The following ADD3 variants were observed in gnomAD, a reference collection of about 807,000 sequenced individuals.
ADD3 encodes adducin 3.
In ADD3, 25 loss-of-function variants were observed where a neutral mutation model predicts 80.2. The ratio of observed to expected loss-of-function variants is 0.31; its 90% confidence interval spans 0.23 to 0.44. The LOEUF (loss-of-function observed/expected upper bound fraction) is 0.44, where lower values mean the gene tolerates loss of function less well. ADD3 is among the 20% of genes least tolerant of loss of function. ADD3 has a pLI of 1.00. For missense variants in ADD3, 829 were observed against 847.5 expected, an observed-to-expected ratio of 0.98 and a Z score of 0.27; for synonymous variants, 284 against 289.6, an observed-to-expected ratio of 0.98 and a Z score of 0.20.
chr10:110,091,824 A>G (rs1021548037), intron 1 of ADD3, among the ~76,000 whole-genome samples: 16 of 152,248 alleles, frequency 1.1e-4, no homozygotes, highest in Non-Finnish European at 2.2e-4. Context: ...GCAGAATGGT[A>G]GAAAATATTT....
chr10:110,071,110 T>TA (rs1005592760), intron 1 of ADD3, among the ~76,000 whole-genome samples: 6 of 150,482 alleles, frequency 4.0e-5, no homozygotes, highest in Non-Finnish European at 5.9e-5. Context: ...TTCCCAAGAT[T>TA]AAAAAAAAAT....
intron 1 of ADD3, among the ~76,000 whole-genome samples, chr10:109,997,754 G>C (rs1332471330): frequency 6.6e-6 from 1 of 152,208 alleles, no homozygotes; most frequent in Admixed American, 6.5e-5. Flanking sequence ...GCAAATATTT[G>C]AAAGAACACT....
intron 3 of ADD3, among the ~76,000 whole-genome samples, chr10:110,115,152 G>A (rs888689192): frequency 6.6e-6 from 1 of 151,910 alleles, no homozygotes; most frequent in Admixed American, 6.6e-5. Context: ...CACTCTGGGA[G>A]GCCAAGGCAG....
At chr10:110,085,518 T>C (rs1352786040) in intron 1 of ADD3, among the ~76,000 whole-genome samples, 1 of 152,106 alleles carries the variant, frequency 6.6e-6, no homozygotes. Flanking sequence ...AGGCAGAGTT[T>C]AGGGACAGGG....
intron 1 of ADD3, among the ~76,000 whole-genome samples, chr10:110,052,446 CGAACCCT>C (rs1469327838): frequency 6.6e-6 from 1 of 152,158 alleles, no homozygotes; most frequent in Non-Finnish European, 1.5e-5. Context: ...CATAGGGGCC[CGAACCCT>C]GTTGTGAACT....
intron 1 of ADD3, among the ~76,000 whole-genome samples, chr10:110,074,491 G>C (rs1362007834): frequency 6.6e-6 from 1 of 152,066 alleles, no homozygotes; most frequent in Non-Finnish European, 1.5e-5. Flanking sequence ...GTGAACTCTT[G>C]TGCAGCTGAC....
intron 1 of ADD3, among the ~76,000 whole-genome samples, chr10:110,023,704 G>T (rs958918081): frequency 2.0e-5 from 3 of 152,154 alleles, no homozygotes; most frequent in African/African-American, 7.2e-5. Flanking sequence ...AACTTGACTA[G>T]TTCTTAATCT....
intron 1 of ADD3, among the ~76,000 whole-genome samples, chr10:110,039,471 G>A (rs1381954460): frequency 2.0e-5 from 3 of 152,154 alleles, no homozygotes; most frequent in African/African-American, 7.2e-5. Context: ...TAGGAGGATT[G>A]TCTTTTGAAG....
chr10:110,115,847 A>G (rs1850666408), intron 3 of ADD3, among the ~76,000 whole-genome samples: 2 of 152,212 alleles, frequency 1.3e-5, no homozygotes, highest in Non-Finnish European at 2.9e-5. Flanking sequence ...TTTCCATCTC[A>G]AATGTTTTTT....
chr10:110,040,117 C>A (rs990289403), intron 1 of ADD3, among the ~76,000 whole-genome samples: 1 of 152,164 alleles, frequency 6.6e-6, no homozygotes, highest in Non-Finnish European at 1.5e-5. Context: ...TGGTTAGGGA[C>A]TTCTTAGAGG....
intron 1 of ADD3, among the ~76,000 whole-genome samples, chr10:110,099,161 T>C (rs1590114060): frequency 6.7e-6 from 1 of 150,326 alleles, no homozygotes; most frequent in African/African-American, 2.4e-5. Flanking sequence ...ACTCCTGGGC[T>C]CAAGTGATCC....
chr10:110,078,218 A>C (rs770147341), intron 1 of ADD3, among the ~76,000 whole-genome samples: 36 of 146,158 alleles, frequency 2.5e-4, no homozygotes, highest in Non-Finnish European at 4.9e-4. Flanking sequence ...TAGCCTGGGA[A>C]TCAAGAGACT....
At chr10:110,080,076 A>T (rs1845898744) in intron 1 of ADD3, among the ~76,000 whole-genome samples, 1 of 152,142 alleles carries the variant, frequency 6.6e-6, no homozygotes, top group Non-Finnish European at 1.5e-5. Flanking sequence ...AAATTCCCTT[A>T]CCAACTTCTA....
intron 1 of ADD3, among the ~76,000 whole-genome samples, chr10:110,066,522 C>T (rs915728773): frequency 6.6e-6 from 1 of 152,104 alleles, no homozygotes; most frequent in African/African-American, 2.4e-5. Context: ...TGTGAGCCAC[C>T]GTGCCTGGCC....
chr10:110,055,448 G>A (rs1448797866), intron 1 of ADD3, among the ~76,000 whole-genome samples: 1 of 152,106 alleles, frequency 6.6e-6, no homozygotes, highest in Non-Finnish European at 1.5e-5. Context: ...AAAAAATATG[G>A]GTTGCTGAGT....
chr10:110,059,699 G>A (rs1858646587), intron 1 of ADD3, among the ~76,000 whole-genome samples: 1 of 152,160 alleles, frequency 6.6e-6, no homozygotes, highest in South Asian at 2.1e-4. Flanking sequence ...AACCCAGGAG[G>A]CGGAGGTTGC....
chr10:110,060,573 C>G (rs1015225265), intron 1 of ADD3, among the ~76,000 whole-genome samples: 5 of 152,218 alleles, frequency 3.3e-5, no homozygotes, highest in Admixed American at 6.5e-5. Flanking sequence ...TATTCTCTCT[C>G]AAAGCTTGAG....
intron 1 of ADD3, among the ~76,000 whole-genome samples, chr10:110,054,935 G>A (rs1205048888): frequency 1.3e-5 from 2 of 151,812 alleles, no homozygotes; most frequent in Non-Finnish European, 2.9e-5. Context: ...CAAACTTTTT[G>A]TATCTTTAGT....
chr10:110,115,961 C>A (rs1850682699), intron 3 of ADD3, among the ~76,000 whole-genome samples: 5 of 152,160 alleles, frequency 3.3e-5, no homozygotes. Context: ...CTTTTACCCT[C>A]GGAGATATGT....
Sources: gnomAD v4.1 joint callset for allele counts (sites outside exome capture counted in the v4.1 genomes callset) on GRCh38, gnomAD v4.1.1 for gene constraint, MANE v1.5 for transcripts, NCBI Gene and HGNC (gene_info 2026-07-23, HGNC 2026-07-21) for gene names.